Variants in TBC1D8 observed in about 807,000 individuals in gnomAD.
The protein encoded by TBC1D8 is BUB2-like protein 1.
A neutral mutation model predicts 118.8 loss-of-function variants in TBC1D8; 65 were observed. The ratio of observed to expected loss-of-function variants is 0.55; its 90% CI spans 0.45 to 0.67. The LOEUF (loss-of-function observed/expected upper bound fraction) is 0.67, where lower values mean the gene tolerates loss of function less well. Among genes scored for constraint, TBC1D8 ranks in the 30% least tolerant of loss-of-function variants. The probability of loss-of-function intolerance (pLI) is 0.00; values close to 1 mark genes in which losing one functional copy is unlikely to be tolerated. For synonymous variants in TBC1D8, 566 were observed against 595.8 expected, an observed-to-expected ratio of 0.95 and a Z score of 0.73; for missense variants, 1,376 against 1,471.2, an observed-to-expected ratio of 0.94 and a Z score of 1.06.
intron 1 of TBC1D8, among the ~76,000 whole-genome samples, chr2:101,137,414 G>A (rs1188923174): frequency 2.0e-5 from 3 of 152,044 alleles, no homozygotes; most frequent in Admixed American, 6.6e-5. Flanking sequence ...CCGGGTTCAC[G>A]CCATTCTCCT....
intron 1 of TBC1D8, among the ~76,000 whole-genome samples, chr2:101,095,003 T>C (rs899159016): frequency 6.6e-6 from 1 of 151,978 alleles, no homozygotes; most frequent in South Asian, 2.1e-4. Context: ...ATTTAAATGG[T>C]GATTTTTGGC....
Position 101,008,070 on chromosome 2 carries a change from C to CGAGT in TBC1D8, c.3215_3218dup (p.Val1074LeufsTer29). ...GCGTCTTCCCAGTGTCTGCAAAAAC[C>CGAGT]GAGTCCTCAGGAGAAGGAGCTGAAG... On this transcript the variant is annotated frameshift_variant, in exon 20 of 20. Coordinates refer to ENST00000409318, the MANE Select transcript of TBC1D8 (RefSeq NM_001330348.2). LOFTEE classifies it low-confidence loss of function (END_TRUNC). 6.2e-7 allele frequency: 1 copy of CGAGT among 1,613,940 alleles called. No homozygotes were observed. The highest frequency in any genetic ancestry group is 1.3e-5 in the African/African-American group (1 of 75,026).
chr2:101,071,733 C>T (rs1325914756), intron 2 of TBC1D8, among the ~76,000 whole-genome samples: 4 of 152,018 alleles, frequency 2.6e-5, no homozygotes, highest in African/African-American at 7.2e-5. Context: ...AAAAAGTTTT[C>T]AAGGCACACA....
rs539936852 is a variant in TBC1D8 at position 101,145,915 on chromosome 2, C to T, written c.127+5212G>A. Reference sequence around the variant, plus strand: ...TGCACTAATAGATAAGTGAATGTTTCTTATGTCCTTCACTACAATGCAAAT... The same window carrying T: ...TGCACTAATAGATAAGTGAATGTTTTTTATGTCCTTCACTACAATGCAAAT... On this transcript the variant is annotated intron_variant, in intron 1 of 19. Transcript: ENST00000409318. 3.3e-5 allele frequency among the ~76,000 whole-genome samples: 5 copies of T among 152,286 alleles called. No homozygotes were observed. In the South Asian group the frequency reaches 8.3e-4, roughly 25 times the overall value.
chr2:101,099,322 T>A (rs1433718104), intron 1 of TBC1D8, among the ~76,000 whole-genome samples: 1 of 152,150 alleles, frequency 6.6e-6, no homozygotes, highest in Non-Finnish European at 1.5e-5. Flanking sequence ...AGAAGTCGAA[T>A]CCCTGAATAG....
At chr2:101,043,445 A>C (rs1221469114) in intron 5 of TBC1D8, among the ~76,000 whole-genome samples, 2 of 152,226 alleles carry the variant, frequency 1.3e-5, no homozygotes, top group African/African-American at 4.8e-5. Context: ...CGTATCTCAC[A>C]AACGTGGTTC....
At chr2:101,078,895 A>G (rs1675055554) in intron 2 of TBC1D8, among the ~76,000 whole-genome samples, 1 of 152,100 alleles carries the variant, frequency 6.6e-6, no homozygotes, top group South Asian at 2.1e-4. Context: ...TTTTTTGATC[A>G]GGATCACTAC....
chr2:101,038,583 C>T lies in TBC1D8; in HGVS notation c.1153G>A (p.Val385Met). 6.2e-7 allele frequency: 1 copy of T among 1,613,962 alleles called. No homozygotes were observed. The highest frequency in any genetic ancestry group is 8.5e-7 in the Non-Finnish European group (1 of 1,179,896). ...CGGAGCTCAATGAACTGGAAGGCCA[C>T]CTTGCTTCTGATACTGACAATGATG... ...HPIIVSIRSKVAFQFIELRDR... is the reference protein window; with the variant it reads ...HPIIVSIRSKMAFQFIELRDR... Residue 385 changes from valine to methionine, a missense_variant, in exon 7 of 20, where the codon GTG becomes ATG. Transcript: ENST00000409318.
intron 3 of TBC1D8, among the ~76,000 whole-genome samples, chr2:101,058,106 T>C (rs1682543838): frequency 6.6e-6 from 1 of 152,180 alleles, no homozygotes; most frequent in South Asian, 2.1e-4. Context: ...TACCCCAGTA[T>C]GATCTGACCC....
chr2:101,091,735 G>C (rs142726099), intron 1 of TBC1D8, among the ~76,000 whole-genome samples: 12 of 152,144 alleles, frequency 7.9e-5, no homozygotes, highest in Non-Finnish European at 1.5e-4. Context: ...CAAAAAAAAA[G>C]GCATCCTGAT....
intron 17 of TBC1D8, among the ~76,000 whole-genome samples, chr2:101,016,019 A>C (rs1294138971): frequency 1.3e-5 from 2 of 151,878 alleles, no homozygotes; most frequent in Non-Finnish European, 2.9e-5. Context: ...ATGGGCAAGG[A>C]CTTCATGTCT....
chr2:101,034,267 CTG>C (rs765548951), intron 9 of TBC1D8, among the ~76,000 whole-genome samples: 3 of 152,222 alleles, frequency 2.0e-5, no homozygotes, highest in Non-Finnish European at 4.4e-5. Context: ...ATAGAAATAA[CTG>C]TATTAATATG....
chr2:101,028,256 G>T, intron 13 of TBC1D8, 47 bp downstream of exon 13: 1 of 1,586,490 alleles, frequency 6.3e-7, no homozygotes, highest in Non-Finnish European at 8.6e-7. Flanking sequence ...CACAATTCCC[G>T]GGGGGTTAGG....
Position 101,050,657 on chromosome 2 carries a change from G to GT in TBC1D8, c.632-17dup. 6.2e-7 allele frequency: 1 copy of GT among 1,609,932 alleles called. No individual in the cohort carries two copies. ...ACAAGTTTAACTGTAAGAGAAAAGG[G>GT]TGAAATACCTATTATGCCATGAAAT... On this transcript the variant is annotated splice_polypyrimidine_tract_variant and intron_variant, in intron 4 of 19. Transcript: ENST00000409318.
At chr2:101,108,340 T>G (rs1313764463) in intron 1 of TBC1D8, among the ~76,000 whole-genome samples, 6 of 152,216 alleles carry the variant, frequency 3.9e-5, no homozygotes, top group Non-Finnish European at 7.3e-5. Flanking sequence ...TGTAATGTGT[T>G]GTCCTGAATG....
chr2:101,130,715 C>T (rs1288914627), intron 1 of TBC1D8, among the ~76,000 whole-genome samples: 2 of 152,162 alleles, frequency 1.3e-5, no homozygotes, highest in African/African-American at 4.8e-5. Context: ...AGATTAATCA[C>T]TAGAGTAATC....
intron 1 of TBC1D8, among the ~76,000 whole-genome samples, chr2:101,126,354 C>CTTGATA (rs1408685593): frequency 6.6e-6 from 1 of 152,182 alleles, no homozygotes; most frequent in Non-Finnish European, 1.5e-5. Context: ...TTGGTGGGGC[C>CTTGATA]ACACAAACCA....
At chr2:101,018,794 A>G (rs370046799) in intron 17 of TBC1D8, among the ~76,000 whole-genome samples, 3 of 152,178 alleles carry the variant, frequency 2.0e-5, no homozygotes, top group East Asian at 1.9e-4. Context: ...GCAGTTTGTT[A>G]TGTTTCTTTC....
At chr2:101,089,979 C>A in intron 2 of TBC1D8, among the ~76,000 whole-genome samples, 2 of 114,472 alleles carry the variant, frequency 1.7e-5, no homozygotes, top group African/African-American at 3.5e-5. Context: ...GAGGGAGGGG[C>A]AGAAAGGAGA....
Sources: allele counts gnomAD v4.1 joint callset (sites outside exome capture counted in the v4.1 genomes callset), GRCh38; gene constraint gnomAD v4.1.1; transcripts MANE v1.5; gene names NCBI Gene and HGNC (gene_info 2026-07-23, HGNC 2026-07-21).